NRIP1: variants seen among roughly 807,000 people sequenced by gnomAD.
NRIP1 encodes the protein nuclear receptor interacting protein 1.
NRIP1 carries 28 observed loss-of-function variants against 75.0 expected under a neutral mutation model. That is an observed-to-expected ratio of 0.37 (90% CI 0.28 to 0.51). The LOEUF (loss-of-function observed/expected upper bound fraction) is 0.51, where lower values mean the gene tolerates loss of function less well. Among genes scored for constraint, NRIP1 ranks in the 20% least tolerant of loss-of-function variants. NRIP1 has a pLI of 0.92. For synonymous variants in NRIP1, 526 were observed against 487.6 expected, an observed-to-expected ratio of 1.08 and a Z score of -1.04; for missense variants, 1,435 against 1,343.7, an observed-to-expected ratio of 1.07 and a Z score of -1.06.
In NRIP1 at chr21:14,968,383, A is replaced by G; in HGVS notation, c.-191T>C. ...GACAAGATAAATGCAGTCTGACCACAGTGCTGATCAACTTCTACGCAAGGA... is the reference window on the plus strand; with the variant it reads ...GACAAGATAAATGCAGTCTGACCACGGTGCTGATCAACTTCTACGCAAGGA... On this transcript the variant is annotated 5_prime_UTR_variant, in exon 4 of 4. Coordinates refer to ENST00000318948, the MANE Select transcript of NRIP1 (RefSeq NM_003489.4). 1.8e-6 allele frequency: 1 copy of G among 569,416 alleles called. No homozygotes were observed. The highest frequency in any genetic ancestry group is 3.2e-6 in the Non-Finnish European group (1 of 316,328). 35.3% of individuals were successfully genotyped at this position (569,416 alleles called of 1,614,324 possible).
At chr21:15,032,999 G>T (rs1431762673) in intron 2 of NRIP1, among the ~76,000 whole-genome samples, 3 of 152,144 alleles carry the variant, frequency 2.0e-5, no homozygotes, top group African/African-American at 2.4e-5. Context: ...GCCGAGGTGG[G>T]TGGATCACGA....
chr21:15,013,613 T>C (rs2088160903), intron 3 of NRIP1, among the ~76,000 whole-genome samples: 1 of 152,200 alleles, frequency 6.6e-6, no homozygotes, highest in Non-Finnish European at 1.5e-5. Context: ...ATAAGCAGCA[T>C]AAGGTCCAAG....
chr21:15,026,507 C>A (rs1004221054), intron 2 of NRIP1, among the ~76,000 whole-genome samples: 1 of 152,134 alleles, frequency 6.6e-6, no homozygotes, highest in Non-Finnish European at 1.5e-5. Context: ...GCATTCTTTA[C>A]ATATCTACTC....
rs78963179 is a variant in NRIP1, at chr21:15,045,146, G to A, written c.-537-1572C>T. Among the ~76,000 whole-genome samples the A allele has an allele frequency of 0.012, 1,848 of 151,972 alleles. 196 individuals are homozygous for A. In the East Asian group the frequency reaches 0.26, roughly 21 times the overall value. On this transcript the variant is annotated intron_variant, in intron 1 of 3. Transcript: ENST00000318948. ...ATTTCAATGCTCTCCTAATCCCCCC[G>A]GCCCAGACAATCAGCCTGGTTGGGT...
intron 1 of NRIP1, among the ~76,000 whole-genome samples, chr21:15,064,101 C>T (rs909249877): frequency 2.6e-5 from 4 of 152,254 alleles, no homozygotes; most frequent in African/African-American, 7.2e-5. Context: ...GAAAAGGCAG[C>T]CTCCCGGACT....
intron 2 of NRIP1, among the ~76,000 whole-genome samples, chr21:15,020,084 G>C (rs924308058): frequency 6.6e-6 from 1 of 151,688 alleles, no homozygotes; most frequent in Non-Finnish European, 1.5e-5. Flanking sequence ...AAATGCCATC[G>C]TAATCTTTTT....
chr21:15,063,636 T>C (rs1462529656), intron 1 of NRIP1, among the ~76,000 whole-genome samples: 3 of 152,204 alleles, frequency 2.0e-5, no homozygotes, highest in African/African-American at 7.2e-5. Context: ...ATGGCTTCTC[T>C]TCCTCTAAGG....
intron 3 of NRIP1, among the ~76,000 whole-genome samples, chr21:14,999,832 AAATT>A (rs538225044): frequency 3.2e-4 from 48 of 152,366 alleles, no homozygotes; most frequent in African/African-American, 1.1e-3. Flanking sequence ...TTCATGGCTT[AAATT>A]AATAGCCATA....
At chr21:15,004,737 C>T (rs1471581497) in intron 3 of NRIP1, among the ~76,000 whole-genome samples, 1 of 152,132 alleles carries the variant, frequency 6.6e-6, no homozygotes, top group Non-Finnish European at 1.5e-5. Context: ...AGATGGTCTT[C>T]CTACATCAGT....
Position 14,962,875 on chromosome 21 carries a change from GAAC to G in NRIP1, c.*1838_*1840del, listed in dbSNP as rs1447964270. ...AAAATCTTAGAAACCACTTCAAGTAGAACAATTTTAAATCAATATCCTAACTAG... is the reference window on the plus strand; with the variant it reads ...AAAATCTTAGAAACCACTTCAAGTAGAATTTTAAATCAATATCCTAACTAG... On this transcript the variant is annotated 3_prime_UTR_variant, in exon 4 of 4. Coordinates refer to ENST00000318948, the MANE Select transcript of NRIP1 (RefSeq NM_003489.4). The G allele has an allele frequency of 6.6e-6, 1 of 152,388 alleles. No individual in the cohort carries two copies. The highest frequency in any genetic ancestry group is 2.4e-5 in the African/African-American group (1 of 41,408). The allele number at this position is 152,388 out of a possible 1,614,324, so 9.4% of individuals were successfully genotyped here.
chr21:15,046,392 G>A (rs1172855503), intron 1 of NRIP1, among the ~76,000 whole-genome samples: 2 of 152,164 alleles, frequency 1.3e-5, no homozygotes, highest in East Asian at 3.9e-4. Flanking sequence ...ATTTCGATAG[G>A]AATCTTTTTT....
chr21:15,056,174 T>A (rs1178673098), intron 1 of NRIP1, among the ~76,000 whole-genome samples: 1 of 151,980 alleles, frequency 6.6e-6, no homozygotes, highest in African/African-American at 2.4e-5. Context: ...CTAAGATAGG[T>A]GTGCTTAAAT....
intron 2 of NRIP1, among the ~76,000 whole-genome samples, chr21:15,035,642 C>T (rs545534867): frequency 4.6e-5 from 7 of 151,236 alleles, no homozygotes; most frequent in East Asian, 2.0e-4. Context: ...CTGCAACTTC[C>T]GCCTCCTGGG....
chr21:15,064,505 G>A (rs1005902202), intron 1 of NRIP1, among the ~76,000 whole-genome samples: 4 of 151,992 alleles, frequency 2.6e-5, no homozygotes, highest in Non-Finnish European at 4.4e-5. Context: ...ACGGACGGGC[G>A]GGCCGACCCG....
Position 14,965,744 on chromosome 21 carries a change from C to G in NRIP1, c.2449G>C (p.Gly817Arg). 1 of 1,613,912 alleles carries G rather than the reference C, an allele frequency of 6.2e-7. No homozygotes were observed. Among genetic ancestry groups the G allele is most frequent in the South Asian group, 1.1e-5 (1 of 91,072 alleles). ...SPQDFSFSKN[G>R]LLSRLLRQNQ... ...TGTCTTAGCAATCGACTTAGCAGAC[C>G]ATTCTTGGAGAAAGAAAAATCCTGA... Residue 817 changes from glycine (G) to arginine (R), a missense_variant, in exon 4 of 4, where the codon GGT (glycine) becomes CGT (arginine). By Grantham distance (125) the Gly-to-Arg change is moderately radical. Transcript: ENST00000318948.
At chr21:14,980,467 C>T (rs1025458586) in intron 3 of NRIP1, among the ~76,000 whole-genome samples, 11 of 151,084 alleles carry the variant, frequency 7.3e-5, no homozygotes, top group Non-Finnish European at 1.0e-4. Flanking sequence ...AGCGAGACTC[C>T]GTATCAAAAT....
intron 2 of NRIP1, among the ~76,000 whole-genome samples, chr21:15,026,367 A>G (rs1479671983): frequency 6.6e-6 from 1 of 152,216 alleles, no homozygotes; most frequent in Non-Finnish European, 1.5e-5. Flanking sequence ...ATTTGGAAAA[A>G]GTTAAAAAGT....
intron 1 of NRIP1, chr21:15,050,078 A>C: frequency 6.6e-6 from 1 of 152,406 alleles, no homozygotes; most frequent in South Asian, 2.1e-4. Context: ...ACTAATTCCT[A>C]TTGTTATCTA....
chr21:15,033,535 T>G lies in NRIP1; in HGVS notation c.-458+9960A>C, dbSNP rs547252895. ...GCTGAAATGCAGTTTCTTAAAGATT[T>G]TAAGTAGCCTCAAGTATACTTCTAT... On this transcript the variant is annotated intron_variant, in intron 2 of 3. Coordinates refer to ENST00000318948, the MANE Select transcript of NRIP1 (RefSeq NM_003489.4). 6.6e-5 allele frequency among the ~76,000 whole-genome samples: 10 copies of G among 152,312 alleles called. No individual in the cohort carries two copies. In the East Asian group the frequency reaches 1.9e-3, roughly 29 times the overall value.
Sources: allele counts gnomAD v4.1 joint callset (sites outside exome capture counted in the v4.1 genomes callset), GRCh38; gene constraint gnomAD v4.1.1; transcripts MANE v1.5; gene names NCBI Gene and HGNC (gene_info 2026-07-23, HGNC 2026-07-21).